Variants in RNF212B observed in about 807,000 individuals in gnomAD.
RNF212B encodes ring finger protein 212B.
A neutral mutation model predicts 55.5 loss-of-function variants in RNF212B; 52 were observed. That is an observed-to-expected ratio of 0.94 (90% CI 0.75 to 1.18). The LOEUF is 1.18. RNF212B is among the 50% of genes most tolerant of loss of function. The pLI is 0.00. For missense variants in RNF212B, 289 were observed against 350.4 expected, an observed-to-expected ratio of 0.82 and a Z score of 1.40; for synonymous variants, 99 against 121.4, an observed-to-expected ratio of 0.82 and a Z score of 1.21.
chr14:23,253,136 T>C (rs1182227850), intron 4 of RNF212B, among the ~76,000 whole-genome samples: 4 of 152,136 alleles, frequency 2.6e-5, no homozygotes, highest in African/African-American at 9.7e-5. Context: ...TCTGTAAACA[T>C]TTCAGTGTGT....
In RNF212B at chr14:23,244,396, G is replaced by A; in HGVS notation, c.228G>A (p.Gln76=). 1.3e-6 allele frequency: 2 copies of A among 1,520,674 alleles called. No individual in the cohort carries two copies. The highest frequency in any genetic ancestry group is 1.8e-6 in the Non-Finnish European group (2 of 1,129,078). The allele number at this position is 1,520,674 out of a possible 1,614,324, so 94.2% of individuals were successfully genotyped here. Residue 76 remains glutamine, a splice_region_variant and synonymous_variant, in exon 4 of 15, where the codon CAG becomes CAA. Transcript: ENST00000430154. ...TALQYFSHIS[Q]VWSFQKKQTD... is the part of the protein sequence containing the mutation. ...TGCAGTATTTTAGTCACATCTCTCAGGTATGAGAAACAAAAGTGAAGAAAA... is the reference window on the plus strand; with the variant it reads ...TGCAGTATTTTAGTCACATCTCTCAAGTATGAGAAACAAAAGTGAAGAAAA...
intron 4 of RNF212B, among the ~76,000 whole-genome samples, chr14:23,255,486 T>TA (rs1884764347): frequency 6.6e-6 from 1 of 152,154 alleles, no homozygotes; most frequent in South Asian, 2.1e-4. Flanking sequence ...AATGTTCCAA[T>TA]AAAACAAACA....
intron 2 of RNF212B, among the ~76,000 whole-genome samples, chr14:23,199,606 C>G (rs1171641342): frequency 1.3e-5 from 2 of 152,236 alleles, no homozygotes; most frequent in East Asian, 3.9e-4. Flanking sequence ...CATTTGATCT[C>G]TCATGGCAAG....
At position 23,188,460 on chromosome 14, in the gene RNF212B, G is replaced by GTTTTTTTTTTTTTT. The variant is rs60659225; in HGVS notation, c.-79+2974_-79+2987dup. The GTTTTTTTTTTTTTT allele has an allele frequency of 3.7e-5, 5 of 136,502 alleles. 2 individuals are homozygous for GTTTTTTTTTTTTTT. The highest frequency in any genetic ancestry group is 5.4e-5 in the African/African-American group (2 of 36,790). The allele number at this position is 136,502 out of a possible 1,614,324, so 8.5% of individuals were successfully genotyped here. A position where few individuals can be genotyped will look rare whatever the true frequency, so the allele number is the denominator to read the frequency against. On this transcript the variant is annotated intron_variant, in intron 1 of 15. Coordinates refer to the RNF212B transcript ENST00000399910. ...TTCATTATGTTTGACAAAGATTAGG[G>GTTTTTTTTTTTTTT]TTTTTTTTTTTTTTTTTAGAGATAG...
chr14:23,263,343 AC>A (rs555710598), intron 9 of RNF212B, among the ~76,000 whole-genome samples: 183 of 152,282 alleles, frequency 1.2e-3, no homozygotes, highest in African/African-American at 4.0e-3. Flanking sequence ...TCACAAGCCA[AC>A]CCTGACTTTC....
At chr14:23,204,881 G>A (rs889127987) in intron 2 of RNF212B, among the ~76,000 whole-genome samples, 6 of 151,862 alleles carry the variant, frequency 4.0e-5, no homozygotes, top group Non-Finnish European at 7.4e-5. Flanking sequence ...TGTTTCTGTC[G>A]TCTATGATTT....
At chr14:23,223,523 T>C (rs1022629484) in intron 2 of RNF212B, among the ~76,000 whole-genome samples, 1 of 152,036 alleles carries the variant, frequency 6.6e-6, no homozygotes, top group African/African-American at 2.4e-5. Context: ...CCCGGCTAAT[T>C]TTTTTGTATT....
intron 2 of RNF212B, among the ~76,000 whole-genome samples, chr14:23,225,826 A>T (rs1366152001): frequency 6.6e-6 from 1 of 152,212 alleles, no homozygotes; most frequent in African/African-American, 2.4e-5. Flanking sequence ...ATTAAAAAAT[A>T]ACTAAAAGTA....
chr14:23,198,444 C>T (rs1047095432), intron 2 of RNF212B, among the ~76,000 whole-genome samples: 2 of 152,046 alleles, frequency 1.3e-5, no homozygotes, highest in South Asian at 2.1e-4. Flanking sequence ...CTTTGGGAGG[C>T]GGAGGAGGGT....
chr14:23,198,074 A>C (rs1878910475), intron 2 of RNF212B, among the ~76,000 whole-genome samples: 1 of 152,100 alleles, frequency 6.6e-6, no homozygotes, highest in Non-Finnish European at 1.5e-5. Flanking sequence ...TCTTTTGTGG[A>C]TCTTCAGTTA....
At position 23,242,160 on chromosome 14, in the gene RNF212B, G is replaced by C. The variant is rs10141064; in HGVS notation, c.101-1096G>C. 7.0e-3 allele frequency among the ~76,000 whole-genome samples: 1,032 copies of C among 147,672 alleles called. 13 individuals are homozygous for C. Among genetic ancestry groups the C allele is most frequent in the African/African-American group, 0.024 (973 of 40,430 alleles). The stretch of plus-strand genomic sequence containing the variant: ...TAGTCCCCAGAGAAAGAACAGTCAA[G>C]TTAAGTAGCCTCAGGGGAAGGTTTT... On this transcript the variant is annotated intron_variant, in intron 2 of 14. Transcript: ENST00000430154.
At chr14:23,189,542 T>C (rs975237272) in intron 1 of RNF212B, among the ~76,000 whole-genome samples, 2 of 152,018 alleles carry the variant, frequency 1.3e-5, no homozygotes, top group Admixed American at 6.6e-5. Flanking sequence ...GTGGCTCACG[T>C]CTATAATCCC....
chr14:23,257,819 C>A (rs1884960898), intron 4 of RNF212B, among the ~76,000 whole-genome samples: 1 of 152,154 alleles, frequency 6.6e-6, no homozygotes. Flanking sequence ...CCTATAGCAG[C>A]ATAAGCAGCC....
chr14:23,236,652 A>T (rs1306052262), upstream of RNF212B, among the ~76,000 whole-genome samples: 2 of 152,168 alleles, frequency 1.3e-5, no homozygotes, highest in Non-Finnish European at 2.9e-5. Context: ...AAAATTTCTC[A>T]CTTTTAATTG....
At chr14:23,243,056 A>T (rs1883714779) in intron 2 of RNF212B, among the ~76,000 whole-genome samples, 200 bp from the exon 3 acceptor site, 1 of 151,684 alleles carries the variant, frequency 6.6e-6, no homozygotes, top group South Asian at 2.1e-4. Flanking sequence ...TTATATCTCA[A>T]CATATTAGTT....
At chr14:23,239,103 G>A (rs765318276) in intron 1 of RNF212B, among the ~76,000 whole-genome samples, 12 of 152,038 alleles carry the variant, frequency 7.9e-5, no homozygotes, top group African/African-American at 2.2e-4. Context: ...TCACTCTGTC[G>A]CCCAGGCTGG....
At chr14:23,267,823 CT>C (rs1885812077) in intron 11 of RNF212B, among the ~76,000 whole-genome samples, 1 of 152,302 alleles carries the variant, frequency 6.6e-6, no homozygotes, top group East Asian at 1.9e-4. Context: ...TTTCATCCTT[CT>C]CCTTTCAACC....
intron 1 of RNF212B, among the ~76,000 whole-genome samples, chr14:23,188,925 C>T (rs1307986581): frequency 1.3e-5 from 2 of 152,108 alleles, no homozygotes; most frequent in South Asian, 2.1e-4. Flanking sequence ...TACATTAATG[C>T]ATAATAAATA....
At chr14:23,249,951 A>G (rs1001452770) in intron 4 of RNF212B, among the ~76,000 whole-genome samples, 3 of 152,174 alleles carry the variant, frequency 2.0e-5, no homozygotes, top group Admixed American at 2.0e-4. Context: ...GTGGCTTCCT[A>G]TCACTTAAGT....
Sources: allele counts gnomAD v4.1 joint callset (sites outside exome capture counted in the v4.1 genomes callset), GRCh38; gene constraint gnomAD v4.1.1; transcripts MANE v1.5; gene names NCBI Gene and HGNC (gene_info 2026-07-23, HGNC 2026-07-21).